The following CMSS1 variants were observed in gnomAD, a reference collection of about 807,000 sequenced individuals.
CMSS1 encodes the protein cms1 ribosomal small subunit homolog, also known as protein CMSS1.
In CMSS1, 33 loss-of-function variants were observed where a neutral mutation model predicts 43.5. The ratio of observed to expected loss-of-function variants is 0.76; its 90% CI spans 0.57 to 1.01. CMSS1 has a LOEUF of 1.01. Ranked by LOEUF, CMSS1 falls within the 50% of genes least tolerant of loss-of-function variation. The pLI is 0.00. For synonymous variants in CMSS1, 115 were observed against 117.2 expected, an observed-to-expected ratio of 0.98 and a Z score of 0.12; for missense variants, 313 against 326.4, an observed-to-expected ratio of 0.96 and a Z score of 0.32.
intron 1 of CMSS1, among the ~76,000 whole-genome samples, chr3:100,059,120 A>G (rs978985859): frequency 1.2e-4 from 19 of 152,222 alleles, no homozygotes; most frequent in African/African-American, 4.3e-4. Flanking sequence ...GGTTTTCCTT[A>G]AAAGAAAGAA....
At chr3:99,980,470 T>C (rs1273976676) in intron 1 of CMSS1, among the ~76,000 whole-genome samples, 1 of 152,170 alleles carries the variant, frequency 6.6e-6, no homozygotes, top group Non-Finnish European at 1.5e-5. Context: ...CATTTTTATT[T>C]CCACAGAAAC....
chr3:100,070,102 C>T lies in CMSS1; in HGVS notation c.65-76871C>T, dbSNP rs141745971. 4.5e-3 allele frequency among the ~76,000 whole-genome samples: 690 copies of T among 152,172 alleles called. 7 individuals carry two copies. Among genetic ancestry groups the T allele is most frequent in the African/African-American group, 0.016 (668 of 41,510 alleles). ...TGTCATAAGGTATGCAGAAAGAGGC[C>T]GTGGATTTGGACAGTGATACCAAAC... On this transcript the variant is annotated intron_variant, in intron 1 of 9. Transcript: ENST00000421999.
At chr3:99,923,826 T>C (rs1417685881) in intron 1 of CMSS1, among the ~76,000 whole-genome samples, 1 of 152,254 alleles carries the variant, frequency 6.6e-6, no homozygotes, top group Non-Finnish European at 1.5e-5. Context: ...CCTACAATCA[T>C]GCCCTATGCT....
chr3:100,129,428 TA>T (rs1433784475), intron 1 of CMSS1, among the ~76,000 whole-genome samples: 1 of 152,190 alleles, frequency 6.6e-6, no homozygotes. Flanking sequence ...TTCACAGCAA[TA>T]ATGATTTTAT....
intron 1 of CMSS1, among the ~76,000 whole-genome samples, chr3:100,003,152 T>A (rs1411792876): frequency 1.3e-5 from 2 of 152,186 alleles, no homozygotes; most frequent in African/African-American, 4.8e-5. Flanking sequence ...TCTCTCCTTT[T>A]CCTGCCAAAT....
At position 100,178,296 on chromosome 3, in the gene CMSS1, C is replaced by T; in HGVS notation, c.757-9C>T. The T allele has an allele frequency of 6.3e-7, 1 of 1,585,374 alleles. No individual in the cohort carries two copies. Among genetic ancestry groups the T allele is most frequent in the Admixed American group, 1.7e-5 (1 of 59,574 alleles). ...TTAATCTTTTTTTCCCCCCTTTTCT[C>T]TCATTTAGATAAGAAAGGAGGTATT... is the stretch of plus-strand genomic sequence containing the variant. On this transcript the variant is annotated splice_polypyrimidine_tract_variant and intron_variant, in intron 9 of 9. Coordinates refer to ENST00000421999, the MANE Select transcript of CMSS1 (RefSeq NM_032359.4).
At chr3:99,972,190 T>C (rs1708842895) in intron 1 of CMSS1, among the ~76,000 whole-genome samples, 1 of 152,148 alleles carries the variant, frequency 6.6e-6, no homozygotes, top group African/African-American at 2.4e-5. Flanking sequence ...AGTCTTTTTA[T>C]GGGCTTAATA....
At chr3:99,878,406 C>T (rs1705610046) in intron 1 of CMSS1, among the ~76,000 whole-genome samples, 1 of 152,212 alleles carries the variant, frequency 6.6e-6, no homozygotes. Flanking sequence ...CACACCGCTA[C>T]TAAAGTAATG....
chr3:99,915,885 A>G (rs1471167229), intron 1 of CMSS1, among the ~76,000 whole-genome samples: 2 of 152,238 alleles, frequency 1.3e-5, no homozygotes, highest in Non-Finnish European at 2.9e-5. Context: ...TAATTGTCAC[A>G]TTATTAGAAC....
At chr3:99,860,310 C>A (rs1944179773) in intron 1 of CMSS1, among the ~76,000 whole-genome samples, 1 of 152,016 alleles carries the variant, frequency 6.6e-6, no homozygotes, top group Non-Finnish European at 1.5e-5. Flanking sequence ...TTACTAGGCC[C>A]CCCAGAGGTC....
chr3:99,955,584 T>G (rs1364233796), intron 1 of CMSS1, among the ~76,000 whole-genome samples: 1 of 152,164 alleles, frequency 6.6e-6, no homozygotes, highest in Non-Finnish European at 1.5e-5. Flanking sequence ...CCAGACACTT[T>G]TTTACTTGTG....
At chr3:99,904,363 A>G in intron 1 of CMSS1, among the ~76,000 whole-genome samples, 1 of 152,222 alleles carries the variant, frequency 6.6e-6, no homozygotes, top group South Asian at 2.1e-4. Context: ...AACCATTTTC[A>G]GTAGTAGAAT....
chr3:99,991,200 G>A (rs1047806021), intron 1 of CMSS1, among the ~76,000 whole-genome samples: 5 of 152,122 alleles, frequency 3.3e-5, no homozygotes, highest in Non-Finnish European at 1.5e-5. Flanking sequence ...CAAATAAGCA[G>A]CCTATTCTTC....
At chr3:100,121,471 T>G (rs1376992108) in intron 1 of CMSS1, among the ~76,000 whole-genome samples, 1 of 152,176 alleles carries the variant, frequency 6.6e-6, no homozygotes, top group Non-Finnish European at 1.5e-5. Context: ...TTGCCACATT[T>G]TCTTAATCCA....
chr3:100,000,105 T>C (rs936494078), intron 1 of CMSS1, among the ~76,000 whole-genome samples: 27 of 152,206 alleles, frequency 1.8e-4, no homozygotes, highest in African/African-American at 6.5e-4. Flanking sequence ...TAATCAGGAC[T>C]GGAAACACTG....
At chr3:100,107,192 CTCTTT>C (rs2066410100) in intron 1 of CMSS1, among the ~76,000 whole-genome samples, 1 of 152,058 alleles carries the variant, frequency 6.6e-6, no homozygotes, top group South Asian at 2.1e-4. Flanking sequence ...CTTTTGAGTT[CTCTTT>C]TCAACTGAAA....
chr3:100,161,839 C>G (rs149341590), intron 3 of CMSS1, among the ~76,000 whole-genome samples: 1 of 152,112 alleles, frequency 6.6e-6, no homozygotes, highest in Non-Finnish European at 1.5e-5. Context: ...CAGTAGGCCC[C>G]TATGCTCAGA....
chr3:100,018,804 A>G (rs773033084), intron 1 of CMSS1, among the ~76,000 whole-genome samples: 4 of 152,062 alleles, frequency 2.6e-5, no homozygotes, highest in Non-Finnish European at 5.9e-5. Flanking sequence ...TTTGCAAACC[A>G]TGTATCAGGT....
rs1295731194 is a variant in CMSS1, at chr3:100,181,449, T to C, written c.*3061T>C. ...AACTAAGAAGTCATCACTGGTACTG[T>C]ATAATTAACTAAACTACAGAGTTTA... On this transcript the variant is annotated 3_prime_UTR_variant, in exon 10 of 10. Coordinates refer to ENST00000421999, the MANE Select transcript of CMSS1 (RefSeq NM_032359.4). 2.0e-5 allele frequency: 3 copies of C among 152,214 alleles called. No individual in the cohort carries two copies. Among genetic ancestry groups the C allele is most frequent in the African/African-American group, 7.2e-5 (3 of 41,454 alleles). The allele number at this position is 152,214 out of a possible 1,614,324, so 9.4% of individuals were successfully genotyped here. A position where few individuals can be genotyped will look rare whatever the true frequency, so the allele number is the denominator to read the frequency against.
Sources: gnomAD v4.1 joint callset for allele counts (sites outside exome capture counted in the v4.1 genomes callset) on GRCh38, gnomAD v4.1.1 for gene constraint, MANE v1.5 for transcripts, NCBI Gene and HGNC (gene_info 2026-07-23, HGNC 2026-07-21) for gene names.